Variants in MRAP2 observed in about 807,000 individuals in gnomAD.
MRAP2 encodes melanocortin-2 receptor accessory protein 2.
In MRAP2, 20 loss-of-function variants were observed where a neutral mutation model predicts 17.4. The observed-to-expected ratio is 1.15, with a 90% confidence interval of 0.81 to 1.67. The LOEUF is 1.67. MRAP2 is among the 40% of genes most tolerant of loss of function. The probability of loss-of-function intolerance (pLI) is 0.00; values close to 1 mark genes in which losing one functional copy is unlikely to be tolerated. For missense variants in MRAP2, 238 were observed against 240.0 expected (o/e 0.99, Z 0.05); for synonymous variants, 96 against 88.4 (o/e 1.09, Z -0.48).
chr6:84,037,461 C>A (rs943430724), intron 1 of MRAP2, among the ~76,000 whole-genome samples: 1 of 152,246 alleles, frequency 6.6e-6, no homozygotes, highest in Non-Finnish European at 1.5e-5. Flanking sequence ...GCCCACCAGT[C>A]CCATGCCACA....
At chr6:84,035,971 A>G (rs1257409194) in intron 1 of MRAP2, among the ~76,000 whole-genome samples, 1 of 152,182 alleles carries the variant, frequency 6.6e-6, no homozygotes, top group East Asian at 1.9e-4. Context: ...TTAGCTTTCA[A>G]GGGAAATGTT....
the MRAP2 span, among the ~76,000 whole-genome samples, chr6:84,098,184 T>C: frequency 1.3e-5 from 2 of 152,150 alleles, no homozygotes; most frequent in Non-Finnish European, 2.9e-5. Context: ...TTTCATGGTA[T>C]TTATATAAGT....
At chr6:84,141,174 C>T in the MRAP2 span, among the ~76,000 whole-genome samples, 1 of 152,060 alleles carries the variant, frequency 6.6e-6, no homozygotes, top group African/African-American at 2.4e-5. Flanking sequence ...GTTTGTGGCC[C>T]AGGGTTGGGG....
At chr6:84,045,236 G>T (rs1204981864) in intron 1 of MRAP2, 1 of 985,244 alleles carries the variant, frequency 1.0e-6, no homozygotes, top group African/African-American at 1.7e-5. Context: ...AGTGACGCTG[G>T]ACATGCTGGA....
chr6:84,118,924 C>T, the MRAP2 span, among the ~76,000 whole-genome samples: 1 of 152,164 alleles, frequency 6.6e-6, no homozygotes, highest in Admixed American at 6.5e-5. Flanking sequence ...GTTCTTGATG[C>T]CACTTATTGA....
chr6:84,095,940 T>C, the MRAP2 span, among the ~76,000 whole-genome samples: 1 of 152,220 alleles, frequency 6.6e-6, no homozygotes, highest in South Asian at 2.1e-4. Context: ...GGGAAGTTCA[T>C]CTGCAACTGT....
intron 1 of MRAP2, among the ~76,000 whole-genome samples, chr6:84,051,733 G>A (rs1238709292): frequency 6.6e-6 from 1 of 152,182 alleles, no homozygotes; most frequent in Non-Finnish European, 1.5e-5. Context: ...AAAAAAAGGG[G>A]AGCGGGGAGG....
At chr6:84,041,055 G>A (rs1351796688) in intron 1 of MRAP2, among the ~76,000 whole-genome samples, 1 of 152,178 alleles carries the variant, frequency 6.6e-6, no homozygotes, top group Non-Finnish European at 1.5e-5. Flanking sequence ...TTTGTGGGCT[G>A]GGTTCAGGCC....
chr6:84,074,472 T>C (rs2099497085), intron 3 of MRAP2, among the ~76,000 whole-genome samples: 1 of 152,214 alleles, frequency 6.6e-6, no homozygotes, highest in South Asian at 2.1e-4. Context: ...GTGCTGGATC[T>C]ACCACTGAAT....
chr6:84,101,792 A>G, the MRAP2 span, among the ~76,000 whole-genome samples: 2 of 152,168 alleles, frequency 1.3e-5, no homozygotes, highest in Non-Finnish European at 2.9e-5. Flanking sequence ...AATGATTATT[A>G]GTTGATTCCA....
intron 2 of MRAP2, among the ~76,000 whole-genome samples, chr6:84,058,780 G>A (rs192736398): frequency 1.1e-4 from 17 of 152,116 alleles, no homozygotes; most frequent in Admixed American, 2.6e-4. Context: ...TTTTTTGGAC[G>A]CCAACTGAAA....
chr6:84,131,747 G>A, the MRAP2 span, among the ~76,000 whole-genome samples: 1 of 152,010 alleles, frequency 6.6e-6, no homozygotes, highest in Admixed American at 6.6e-5. Context: ...CTCCACATGA[G>A]ATGGGTCTCC....
chr6:84,089,158 G>C lies in MRAP2; in HGVS notation c.295G>C (p.Glu99Gln), dbSNP rs767073139. The C allele has an allele frequency of 6.2e-6, 10 of 1,614,048 alleles. No homozygotes were observed. Among genetic ancestry groups the C allele is most frequent in the Non-Finnish European group, 8.5e-6 (10 of 1,180,044 alleles). ...SFVSDFGRPLEPDKVFSRQGN... is the reference protein window; with the variant it reads ...SFVSDFGRPLQPDKVFSRQGN... ...TGTGTCAGACTTTGGAAGACCTCTG[G>C]AGCCAGATAAAGTATTTTCTCGCCA... Residue 99 changes from glutamate to glutamine, a missense_variant, in exon 4 of 4, where the codon GAG becomes CAG. Glu to Gln is a conservative substitution (Grantham distance 29). Coordinates refer to ENST00000257776, the MANE Select transcript of MRAP2 (RefSeq NM_138409.4).
the MRAP2 span, among the ~76,000 whole-genome samples, chr6:84,136,139 C>T: frequency 6.6e-6 from 1 of 152,274 alleles, no homozygotes; most frequent in South Asian, 2.1e-4. Context: ...AAATTCTGAT[C>T]AGTTTTACTG....
At chr6:84,087,018 A>G (rs2099500647) in intron 3 of MRAP2, among the ~76,000 whole-genome samples, 1 of 152,178 alleles carries the variant, frequency 6.6e-6, no homozygotes, top group South Asian at 2.1e-4. Context: ...AATCTTAATT[A>G]TGCTTTCTCC....
chr6:84,143,132 A>G, the MRAP2 span, among the ~76,000 whole-genome samples: 29 of 152,214 alleles, frequency 1.9e-4, no homozygotes, highest in African/African-American at 4.6e-4. Flanking sequence ...ATAGTCACTG[A>G]ATATCTAGAT....
downstream of MRAP2, among the ~76,000 whole-genome samples, chr6:84,093,467 C>A (rs1025276820): frequency 6.6e-6 from 1 of 152,128 alleles, no homozygotes; most frequent in African/African-American, 2.4e-5. Flanking sequence ...GTAATCAGCA[C>A]CCTGGGTTCT....
At chr6:84,091,082 A>G (rs2099501688), downstream of MRAP2, among the ~76,000 whole-genome samples, 2 of 152,136 alleles carry the variant, frequency 1.3e-5, no homozygotes, top group African/African-American at 4.8e-5. Flanking sequence ...GTGTATTTTA[A>G]AGAAAATATC....
At chr6:84,104,654 G>GATCACGA in the MRAP2 span, among the ~76,000 whole-genome samples, 2 of 152,184 alleles carry the variant, frequency 1.3e-5, no homozygotes, top group Non-Finnish European at 2.9e-5. Context: ...GGATCACGAG[G>GATCACGA]TCAGGAGATC....
Sources: gnomAD v4.1 joint callset for allele counts (sites outside exome capture counted in the v4.1 genomes callset) on GRCh38, gnomAD v4.1.1 for gene constraint, MANE v1.5 for transcripts, NCBI Gene and HGNC (gene_info 2026-07-23, HGNC 2026-07-21) for gene names.